CREB5: variants seen among roughly 807,000 people sequenced by gnomAD.
CREB5 encodes the protein cyclic AMP-responsive element-binding protein 5.
In CREB5, 19 loss-of-function variants were observed where a neutral mutation model predicts 57.1. The observed-to-expected ratio is 0.33, with a 90% CI of 0.23 to 0.49. The LOEUF (loss-of-function observed/expected upper bound fraction) is 0.49, where lower values mean the gene tolerates loss of function less well. Among genes scored for constraint, CREB5 ranks in the 20% least tolerant of loss-of-function variants. CREB5 has a pLI of 0.99. For missense variants in CREB5, 579 were observed against 671.6 expected (o/e 0.86, Z 1.52); for synonymous variants, 238 against 238.3 (o/e 1.00, Z 0.01).
At chr7:28,398,593 C>A (rs564513121) in intron 1 of CREB5, among the ~76,000 whole-genome samples, 1 of 152,166 alleles carries the variant, frequency 6.6e-6, no homozygotes, top group African/African-American at 2.4e-5. Context: ...TATAGCAAAT[C>A]GCATGCTGGA....
chr7:28,570,174 G>C (rs983002242), intron 4 of CREB5, among the ~76,000 whole-genome samples, 191 bp from the exon 5 acceptor site: 3 of 152,130 alleles, frequency 2.0e-5, no homozygotes, highest in Admixed American at 6.5e-5. Context: ...TTACTCTAAG[G>C]GTGAGTAGTT....
intron 4 of CREB5, among the ~76,000 whole-genome samples, chr7:28,567,725 C>G (rs112198306): frequency 6.6e-6 from 1 of 152,140 alleles, no homozygotes; most frequent in African/African-American, 2.4e-5. Context: ...CGTTAGAAAG[C>G]AGCATACAAG....
chr7:28,642,987 T>TACACACACACACACACACACACACACAC (rs1179446048), intron 5 of CREB5, among the ~76,000 whole-genome samples: 3 of 98,332 alleles, frequency 3.1e-5, no homozygotes, highest in Admixed American at 1.1e-4. Flanking sequence ...CACACACACA[T>TACACACACACACACACACACACACACAC]ACACACACAC....
chr7:28,730,354 A>ATT (rs34752067), intron 7 of CREB5, among the ~76,000 whole-genome samples: 60,481 of 146,828 alleles, frequency 0.41, 12,704 homozygotes, highest in Middle Eastern at 0.51. Context: ...CACCCAGATA[A>ATT]TTTTTTTTTT....
intron 4 of CREB5, among the ~76,000 whole-genome samples, chr7:28,526,900 C>A (rs1006462198): frequency 6.6e-6 from 1 of 152,208 alleles, no homozygotes; most frequent in Non-Finnish European, 1.5e-5. Flanking sequence ...GGTCCTCTAT[C>A]CTGTACTCAT....
intron 5 of CREB5, among the ~76,000 whole-genome samples, chr7:28,652,976 A>G (rs1799203091): frequency 6.6e-6 from 1 of 152,202 alleles, no homozygotes; most frequent in Non-Finnish European, 1.5e-5. Flanking sequence ...AAAAATCTTT[A>G]GACTTGGTAT....
At chr7:28,415,102 C>T (rs1160297468) in intron 1 of CREB5, among the ~76,000 whole-genome samples, 1 of 151,998 alleles carries the variant, frequency 6.6e-6, no homozygotes, top group East Asian at 1.9e-4. Flanking sequence ...TGATCTTAAC[C>T]CTAAAAAGAT....
At chr7:28,535,421 G>A (rs1793913098) in intron 4 of CREB5, among the ~76,000 whole-genome samples, 1 of 138,298 alleles carries the variant, frequency 7.2e-6, no homozygotes, top group Non-Finnish European at 1.6e-5. Context: ...AGAGAGGGAG[G>A]CAGGGAAGGA....
chr7:28,783,901 G>A (rs1027876278), intron 7 of CREB5, among the ~76,000 whole-genome samples: 1 of 152,276 alleles, frequency 6.6e-6, no homozygotes, highest in African/African-American at 2.4e-5. Context: ...CCCTGATCCC[G>A]GGCAATGCTG....
At chr7:28,691,521 C>G (rs56907501) in intron 5 of CREB5, among the ~76,000 whole-genome samples, 1,571 of 151,852 alleles carry the variant, frequency 0.01, 34 homozygotes, top group African/African-American at 0.036. Flanking sequence ...CTGCCTCCCT[C>G]TCACATATAT....
chr7:28,654,072 C>A (rs1799241116), intron 5 of CREB5, among the ~76,000 whole-genome samples: 1 of 152,074 alleles, frequency 6.6e-6, no homozygotes, highest in African/African-American at 2.4e-5. Flanking sequence ...TTCCAGTAGC[C>A]AATATACATT....
At chr7:28,635,837 G>A (rs1056601999) in intron 5 of CREB5, among the ~76,000 whole-genome samples, 2 of 152,186 alleles carry the variant, frequency 1.3e-5, no homozygotes, top group African/African-American at 4.8e-5. Flanking sequence ...TTGATATGGT[G>A]TCTCCCAAAC....
intron 4 of CREB5, chr7:28,513,465 A>T (rs1184500732): frequency 2.0e-5 from 3 of 150,526 alleles, no homozygotes; most frequent in African/African-American, 7.3e-5. Flanking sequence ...TTTTATCAGC[A>T]TGACTGAAAG....
At chr7:28,551,383 T>C (rs1794635681) in intron 4 of CREB5, among the ~76,000 whole-genome samples, 1 of 152,156 alleles carries the variant, frequency 6.6e-6, no homozygotes, top group South Asian at 2.1e-4. Flanking sequence ...CCCCTTCTTT[T>C]TCCTTTCCTC....
chr7:28,706,963 C>A (rs1054465968), intron 5 of CREB5, among the ~76,000 whole-genome samples: 1 of 152,106 alleles, frequency 6.6e-6, no homozygotes, highest in Non-Finnish European at 1.5e-5. Context: ...TGTTAAGAAA[C>A]CTCTGTGGGG....
At chr7:28,395,594 C>T (rs529960929) in intron 1 of CREB5, among the ~76,000 whole-genome samples, 63 of 152,276 alleles carry the variant, frequency 4.1e-4, no homozygotes, top group African/African-American at 1.4e-3. Flanking sequence ...CTATTCTCCA[C>T]GTTGCAACAG....
At chr7:28,466,437 C>G (rs1790575611) in intron 1 of CREB5, among the ~76,000 whole-genome samples, 1 of 152,160 alleles carries the variant, frequency 6.6e-6, no homozygotes, top group Non-Finnish European at 1.5e-5. Context: ...TGGTTCCTGG[C>G]TCTCTCCTGC....
At chr7:28,700,633 A>G (rs1178440480) in intron 5 of CREB5, among the ~76,000 whole-genome samples, 1 of 152,196 alleles carries the variant, frequency 6.6e-6, no homozygotes, top group Non-Finnish European at 1.5e-5. Context: ...CTGAGTTCTT[A>G]GTACTCCTAG....
At chr7:28,481,874 A>T (rs1269879391) in intron 1 of CREB5, among the ~76,000 whole-genome samples, 3 of 152,172 alleles carry the variant, frequency 2.0e-5, no homozygotes, top group African/African-American at 7.2e-5. Context: ...ATGCCCACAG[A>T]AAGAGAGAGA....
Sources: gnomAD v4.1 joint callset for allele counts (sites outside exome capture counted in the v4.1 genomes callset) on GRCh38, gnomAD v4.1.1 for gene constraint, MANE v1.5 for transcripts, NCBI Gene and HGNC (gene_info 2026-07-23, HGNC 2026-07-21) for gene names.